The following KPNA4 variants were observed in gnomAD, a reference collection of about 807,000 sequenced individuals.
KPNA4 encodes the protein importin subunit alpha-3.
Under a neutral mutation model 71.3 loss-of-function variants are expected in KPNA4, and 13 were observed. The ratio of observed to expected loss-of-function variants is 0.18; its 90% CI spans 0.12 to 0.29. KPNA4 has a LOEUF of 0.29. Among genes scored for constraint, KPNA4 ranks in the 10% least tolerant of loss-of-function variants. KPNA4 has a pLI of 1.00. For missense variants in KPNA4, 334 were observed against 603.2 expected (o/e 0.55, Z 4.67); for synonymous variants, 189 against 195.2 (o/e 0.97, Z 0.26).
intron 1 of KPNA4, among the ~76,000 whole-genome samples, chr3:160,543,353 T>TC (rs945748824): frequency 5.9e-5 from 9 of 151,970 alleles, no homozygotes; most frequent in South Asian, 2.1e-4. Flanking sequence ...ATCATTTTTT[T>TC]CCCCCGAGAC....
intron 1 of KPNA4, among the ~76,000 whole-genome samples, chr3:160,555,895 G>A (rs904299713): frequency 2.6e-5 from 4 of 152,082 alleles, no homozygotes; most frequent in African/African-American, 4.8e-5. Flanking sequence ...GTAATGGCCC[G>A]ATCTCAGCTC....
At position 160,526,121 on chromosome 3, in the gene KPNA4, G is replaced by C; in HGVS notation, c.557-14C>G. ...GGGGCCCATCACCTGTAGAAAAAAA[G>C]GATTAATTTACTCAATAAAACATAC... On this transcript the variant is annotated splice_polypyrimidine_tract_variant and intron_variant, in intron 8 of 16. Transcript: ENST00000334256. 1 of 1,493,092 alleles carries C rather than the reference G, an allele frequency of 6.7e-7. No individual in the cohort carries two copies. Among genetic ancestry groups the C allele is most frequent in the African/African-American group, 1.4e-5 (1 of 69,888 alleles). 92.5% of individuals were successfully genotyped at this position (1,493,092 alleles called of 1,614,324 possible).
chr3:160,508,870 G>A (rs1365672920), intron 14 of KPNA4, among the ~76,000 whole-genome samples: 1 of 152,058 alleles, frequency 6.6e-6, no homozygotes, highest in Non-Finnish European at 1.5e-5. Flanking sequence ...AGCATCCAGT[G>A]GCTCACATGT....
In KPNA4 at chr3:160,508,289, TA is replaced by T; in HGVS notation, c.1210-21del. 1 of 1,555,490 alleles carries T rather than the reference TA, an allele frequency of 6.4e-7. No individual in the cohort carries two copies. Among genetic ancestry groups the T allele is most frequent in the Non-Finnish European group, 8.7e-7 (1 of 1,147,108 alleles). The stretch of plus-strand genomic sequence containing the variant: ...AGCCACCTGAAGAATAAAAACAACA[TA>T]AAATAATGCAATATAGGTAAACTTT... On this transcript the variant is annotated intron_variant, in intron 14 of 16. Coordinates refer to ENST00000334256, the MANE Select transcript of KPNA4 (RefSeq NM_002268.5).
At chr3:160,547,319 C>T (rs1184277672) in intron 1 of KPNA4, among the ~76,000 whole-genome samples, 1 of 152,100 alleles carries the variant, frequency 6.6e-6, no homozygotes, top group Non-Finnish European at 1.5e-5. Flanking sequence ...AATTAATTGC[C>T]TGATTAGATT....
At chr3:160,548,792 C>A (rs946171942) in intron 1 of KPNA4, among the ~76,000 whole-genome samples, 1 of 152,136 alleles carries the variant, frequency 6.6e-6, no homozygotes, top group African/African-American at 2.4e-5. Flanking sequence ...TTCAATTCAT[C>A]TGGATATATA....
Position 160,521,766 on chromosome 3 carries a change from A to C in KPNA4, c.903+13T>G. The C allele has an allele frequency of 6.2e-7, 1 of 1,607,632 alleles. No homozygotes were observed. Among genetic ancestry groups the C allele is most frequent in the Non-Finnish European group, 8.5e-7 (1 of 1,178,524 alleles). On this transcript the variant is annotated intron_variant, in intron 11 of 16. Transcript: ENST00000334256. ...GTAAGAAATACTTATAATTTAACTAAGAACAAACTTACCTGAACTTTAACT... is the reference window on the plus strand; with the variant it reads ...GTAAGAAATACTTATAATTTAACTACGAACAAACTTACCTGAACTTTAACT...
intron 12 of KPNA4, chr3:160,515,136 C>T (rs773560903): frequency 1.9e-6 from 1 of 522,244 alleles, no homozygotes. Flanking sequence ...CTATTAAGTA[C>T]CTATAAAACA....
chr3:160,549,379 T>C (rs1170602854), intron 1 of KPNA4, among the ~76,000 whole-genome samples: 1 of 152,204 alleles, frequency 6.6e-6, no homozygotes, highest in Non-Finnish European at 1.5e-5. Flanking sequence ...TATAAAACTT[T>C]CTCTATTTTC....
Position 160,535,850 on chromosome 3 carries a change from T to C in KPNA4, c.162A>G (p.Glu54=). The part of the protein sequence containing the change: ...HLLKRRNVPH[E]DICEDSDIDG... ...CTATATCAGAGTCTTCACAGATATC[T>C]TCATGTGGTACATTCCTTCTCTTTA... The change falls in exon 3 of 17, where the codon GAA becomes GAG. Residue 54 remains glutamate (E), a synonymous_variant. Coordinates refer to ENST00000334256, the MANE Select transcript of KPNA4 (RefSeq NM_002268.5). 7.2e-7 allele frequency: 1 copy of C among 1,396,310 alleles called. No homozygotes were observed. The highest frequency in any genetic ancestry group is 9.3e-7 in the Non-Finnish European group (1 of 1,072,198). 86.5% of individuals were successfully genotyped at this position (1,396,310 alleles called of 1,614,324 possible). A position where few individuals can be genotyped will look rare whatever the true frequency, so the allele number is the denominator to read the frequency against.
At chr3:160,531,253 G>T (rs995569123) in intron 6 of KPNA4, among the ~76,000 whole-genome samples, 2 of 152,040 alleles carry the variant, frequency 1.3e-5, no homozygotes, top group Non-Finnish European at 2.9e-5. Context: ...AAGCATAAAA[G>T]TTAAATTTAT....
In KPNA4 at chr3:160,508,473, C is replaced by T. The variant is rs115252331; in HGVS notation, c.1210-204G>A. Reference sequence around the variant, plus strand: ...TTTTCCCGAACTTAGAAAAAAACAACGTAAAGTTAAAATAAAGGAATCACT... The same window carrying T: ...TTTTCCCGAACTTAGAAAAAAACAATGTAAAGTTAAAATAAAGGAATCACT... On this transcript the variant is annotated intron_variant, in intron 14 of 16. Transcript: ENST00000334256. Among the ~76,000 whole-genome samples the T allele has an allele frequency of 2.5e-3, 378 of 151,962 alleles. 4 individuals carry two copies. The highest frequency in any genetic ancestry group is 8.6e-3 in the African/African-American group (356 of 41,426).
chr3:160,522,488 C>T (rs556187419), intron 10 of KPNA4, among the ~76,000 whole-genome samples: 2 of 151,496 alleles, frequency 1.3e-5, no homozygotes, highest in African/African-American at 2.4e-5. Context: ...GACGGAGTCT[C>T]GCTCTGTCGC....
At chr3:160,562,492 G>A (rs193195355) in intron 1 of KPNA4, among the ~76,000 whole-genome samples, 7 of 152,278 alleles carry the variant, frequency 4.6e-5, no homozygotes, top group Admixed American at 3.3e-4. Flanking sequence ...TAAGTGTTTA[G>A]AGAGATACAG....
At chr3:160,527,049 A>G (rs1306522502) in intron 8 of KPNA4, among the ~76,000 whole-genome samples, 1 of 152,222 alleles carries the variant, frequency 6.6e-6, no homozygotes, top group African/African-American at 2.4e-5. Context: ...TTGGCCCTGT[A>G]TAAGGGCAAT....
intron 1 of KPNA4, among the ~76,000 whole-genome samples, chr3:160,544,460 T>C (rs1210078553): frequency 6.6e-6 from 1 of 152,220 alleles, no homozygotes; most frequent in East Asian, 1.9e-4. Flanking sequence ...CTAAGATTAA[T>C]GGGTTATAAG....
intron 1 of KPNA4, among the ~76,000 whole-genome samples, chr3:160,552,132 A>G (rs1219612802): frequency 6.6e-6 from 1 of 152,184 alleles, no homozygotes; most frequent in Non-Finnish European, 1.5e-5. Flanking sequence ...ATTAAGTTCA[A>G]ATATGTTTGG....
rs1456150729 is a variant in KPNA4 at position 160,501,776 on chromosome 3, GTTCT to G, written c.*324_*327del. 6.5e-6 allele frequency: 1 copy of G among 153,746 alleles called. No individual in the cohort carries two copies. Among genetic ancestry groups the G allele is most frequent in the Non-Finnish European group, 1.5e-5 (1 of 68,864 alleles). 9.5% of individuals were successfully genotyped at this position (153,746 alleles called of 1,614,324 possible). Reference sequence around the variant, plus strand: ...CTCAATTGATATAGAGTAAGTCAATGTTCTTTCTCAGGCACTGACGATCTGTGAC... The same window carrying G: ...CTCAATTGATATAGAGTAAGTCAATGTTCTCAGGCACTGACGATCTGTGAC... On this transcript the variant is annotated 3_prime_UTR_variant, in exon 17 of 17. Transcript: ENST00000334256.
intron 1 of KPNA4, among the ~76,000 whole-genome samples, chr3:160,550,628 T>C (rs560108777): frequency 6.6e-6 from 1 of 152,332 alleles, no homozygotes; most frequent in South Asian, 2.1e-4. Context: ...AATATGTTGT[T>C]TGCTGTGGGC....
Sources: gnomAD v4.1 joint callset for allele counts (sites outside exome capture counted in the v4.1 genomes callset) on GRCh38, gnomAD v4.1.1 for gene constraint, MANE v1.5 for transcripts, NCBI Gene and HGNC (gene_info 2026-07-23, HGNC 2026-07-21) for gene names.